Variants in PTPRJ observed in about 807,000 individuals in gnomAD.
PTPRJ encodes the protein protein tyrosine phosphatase receptor type J.
PTPRJ carries 129 observed loss-of-function variants against 141.3 expected under a neutral mutation model. The ratio of observed to expected loss-of-function variants is 0.91; its 90% CI spans 0.79 to 1.06. The LOEUF (loss-of-function observed/expected upper bound fraction) is 1.06, where lower values mean the gene tolerates loss of function less well. PTPRJ is among the 50% of genes least tolerant of loss of function. The pLI, the probability that PTPRJ is intolerant of heterozygous loss-of-function variation, is 0.00. For missense variants in PTPRJ, 1,601 were observed against 1,679.7 expected (o/e 0.95, Z 0.82); for synonymous variants, 610 against 640.5 (o/e 0.95, Z 0.72).
intron 1 of PTPRJ, among the ~76,000 whole-genome samples, chr11:47,986,002 A>G (rs1323948505): frequency 6.6e-6 from 1 of 152,030 alleles, no homozygotes; most frequent in East Asian, 1.9e-4. Context: ...CACCTGGCCC[A>G]GACATTTTTT....
chr11:48,078,347 C>T (rs181449566), intron 1 of PTPRJ, among the ~76,000 whole-genome samples: 85 of 152,228 alleles, frequency 5.6e-4, no homozygotes, highest in African/African-American at 1.9e-3. Flanking sequence ...CATGAGCCAC[C>T]GTGCCCGGCC....
At chr11:48,010,565 C>T (rs1332646825) in intron 1 of PTPRJ, among the ~76,000 whole-genome samples, 1 of 151,970 alleles carries the variant, frequency 6.6e-6, no homozygotes, top group Non-Finnish European at 1.5e-5. Flanking sequence ...GAGACGGAGT[C>T]TCACTCTGTC....
intron 22 of PTPRJ, among the ~76,000 whole-genome samples, chr11:48,161,135 GCC>G (rs1436738793): frequency 7.7e-6 from 1 of 129,228 alleles, no homozygotes; most frequent in African/African-American, 3.0e-5. Flanking sequence ...CCGAGATTGT[GCC>G]ACTGCTGCAC....
chr11:48,036,072 G>T (rs1854117303), intron 1 of PTPRJ, among the ~76,000 whole-genome samples: 1 of 152,222 alleles, frequency 6.6e-6, no homozygotes, highest in African/African-American at 2.4e-5. Context: ...ATAGCATGAA[G>T]ATTGAAGTCT....
At chr11:48,106,774 T>C (rs1226084058) in intron 1 of PTPRJ, among the ~76,000 whole-genome samples, 1 of 143,770 alleles carries the variant, frequency 7.0e-6, no homozygotes, top group African/African-American at 2.6e-5. Flanking sequence ...TTTTTTTTTT[T>C]TTTTTTTTTT....
chr11:48,066,837 C>T (rs938164295), intron 1 of PTPRJ, among the ~76,000 whole-genome samples: 8 of 152,088 alleles, frequency 5.3e-5, no homozygotes, highest in African/African-American at 1.2e-4. Flanking sequence ...CCGCCTGCCT[C>T]GGCCTCCCAA....
intron 1 of PTPRJ, among the ~76,000 whole-genome samples, chr11:48,038,642 C>T (rs908442841): frequency 6.6e-6 from 1 of 151,870 alleles, no homozygotes; most frequent in Admixed American, 6.6e-5. Context: ...CAGGCGCACG[C>T]CACCATGCCT....
At chr11:48,125,682 T>C (rs1590533205) in intron 6 of PTPRJ, among the ~76,000 whole-genome samples, 1 of 152,156 alleles carries the variant, frequency 6.6e-6, no homozygotes, top group South Asian at 2.1e-4. Flanking sequence ...AGTTCACCAA[T>C]ATTTGGAGGC....
rs1857984912 is a variant in PTPRJ, at chr11:48,168,718, A to G, written c.*1356A>G. The G allele has an allele frequency of 8.7e-6, 1 of 115,168 alleles. No individual in the cohort carries two copies. Among genetic ancestry groups the G allele is most frequent in the Non-Finnish European group, 2.1e-5 (1 of 47,446 alleles). The allele number at this position is 115,168 out of a possible 1,614,324, so 7.1% of individuals were successfully genotyped here. A position where few individuals can be genotyped will look rare whatever the true frequency, so the allele number is the denominator to read the frequency against. ...AATTACTTTGATTTTTAAAATGTAG[A>G]TTAATTTTTTTTTTTTTGCTTCAGG... is the stretch of plus-strand genomic sequence containing the variant. On this transcript the variant is annotated 3_prime_UTR_variant, in exon 25 of 25. Coordinates refer to ENST00000418331, the MANE Select transcript of PTPRJ (RefSeq NM_002843.4).
chr11:48,051,084 C>CTTTTTTTTTTTTT (rs59987198), intron 1 of PTPRJ, among the ~76,000 whole-genome samples: 1 of 79,310 alleles, frequency 1.3e-5, no homozygotes, highest in African/African-American at 5.9e-5. Flanking sequence ...TAACTGATGA[C>CTTTTTTTTTTTTT]TTTTTTTTTT....
rs527728830 is a variant in PTPRJ at position 48,115,099 on chromosome 11, A to C, written c.352+2116A>C. Among the ~76,000 whole-genome samples, 5 of 152,328 alleles carry C rather than the reference A, an allele frequency of 3.3e-5. No individual in the cohort carries two copies. The South Asian group carries it at 8.3e-4, about 25-fold the overall frequency. ...AGACGTGGTATTTGAATTGGAGTTC[A>C]TCTAGGGGAAGAGAAAGATAAAGAG... On this transcript the variant is annotated intron_variant, in intron 3 of 24. Transcript: ENST00000418331.
At position 47,995,175 on chromosome 11, in the gene PTPRJ, T is replaced by G. The variant is rs1171841721; in HGVS notation, c.96+14167T>G. 3.3e-5 allele frequency among the ~76,000 whole-genome samples: 5 copies of G among 152,372 alleles called. No individual in the cohort carries two copies. In the East Asian group the frequency reaches 9.6e-4, roughly 29 times the overall value. On this transcript the variant is annotated intron_variant, in intron 1 of 24. Transcript: ENST00000418331. ...ATTCAGTTGACTTTGTGATCAGCTCTGAACATATAATCTGGTGATTGCCTT... is the reference window on the plus strand; with the variant it reads ...ATTCAGTTGACTTTGTGATCAGCTCGGAACATATAATCTGGTGATTGCCTT...
At chr11:48,018,922 C>T (rs1025827965) in intron 1 of PTPRJ, among the ~76,000 whole-genome samples, 4 of 152,150 alleles carry the variant, frequency 2.6e-5, no homozygotes, top group African/African-American at 7.2e-5. Flanking sequence ...CCCGACCCCT[C>T]GCCTCTGCAG....
intron 1 of PTPRJ, among the ~76,000 whole-genome samples, chr11:48,003,001 C>T (rs1399043765): frequency 2.0e-5 from 3 of 151,588 alleles, no homozygotes; most frequent in African/African-American, 7.3e-5. Flanking sequence ...ATTATAATTT[C>T]AAAATAGTTA....
At chr11:48,055,022 T>C (rs1281077336) in intron 1 of PTPRJ, among the ~76,000 whole-genome samples, 1 of 151,818 alleles carries the variant, frequency 6.6e-6, no homozygotes, top group African/African-American at 2.4e-5. Context: ...CCTGTCTCTA[T>C]AAAACATGCA....
At chr11:48,029,270 T>G (rs1853915903) in intron 1 of PTPRJ, among the ~76,000 whole-genome samples, 1 of 152,214 alleles carries the variant, frequency 6.6e-6, no homozygotes, top group Non-Finnish European at 1.5e-5. Flanking sequence ...TGCATATTGG[T>G]TCAATTACTT....
chr11:48,159,097 G>GGT (rs386373794), intron 21 of PTPRJ, among the ~76,000 whole-genome samples: 3,362 of 139,712 alleles, frequency 0.024, 80 homozygotes, highest in African/African-American at 0.029. Flanking sequence ...GTGTATGTGG[G>GGT]GTGTGTGTGT....
In PTPRJ at chr11:48,145,107, C is replaced by G; in HGVS notation, c.2894C>G (p.Ser965Cys). 2.5e-6 allele frequency: 4 copies of G among 1,614,106 alleles called. No individual in the cohort carries two copies. Among genetic ancestry groups the G allele is most frequent in the Non-Finnish European group, 3.4e-6 (4 of 1,180,028 alleles). The change falls in exon 14 of 25, where the codon TCC (serine) becomes TGC (cysteine). Residue 965 changes from serine (S) to cysteine (C), a missense_variant. Transcript: ENST00000418331. ...VSFSRYSDAV[S>C]LPQDPGVICG... ...TTCAGTCGCTACTCAGATGCTGTTT[C>G]CTTGCCCCAGGATCCAGGTAGGGAG... is the stretch of plus-strand genomic sequence containing the variant.
intron 3 of PTPRJ, among the ~76,000 whole-genome samples, chr11:48,114,334 A>T (rs1187416542): frequency 7.5e-6 from 1 of 132,994 alleles, no homozygotes; most frequent in Non-Finnish European, 1.6e-5. Context: ...GCTACTCGGG[A>T]GGCTGAGGCA....
Sources: gnomAD v4.1 joint callset for allele counts (sites outside exome capture counted in the v4.1 genomes callset) on GRCh38, gnomAD v4.1.1 for gene constraint, MANE v1.5 for transcripts, NCBI Gene and HGNC (gene_info 2026-07-23, HGNC 2026-07-21) for gene names.